The following ARB2A variants were observed in gnomAD, a reference collection of about 807,000 sequenced individuals.
ARB2A encodes the protein cotranscriptional regulator ARB2A.
At chr5:94,099,539 G>A in the ARB2A span, among the ~76,000 whole-genome samples, 2 of 143,634 alleles carry the variant, frequency 1.4e-5, no homozygotes, top group Non-Finnish European at 3.0e-5. Flanking sequence ...CAGGAGAATC[G>A]CATGAACCCG....
At chr5:93,894,415 A>C in the ARB2A span, among the ~76,000 whole-genome samples, 8 of 152,070 alleles carry the variant, frequency 5.3e-5, no homozygotes, top group Non-Finnish European at 1.0e-4. Context: ...ATATTAAAAA[A>C]AAAAGAGAGA....
At chr5:93,785,070 C>A in the ARB2A span, among the ~76,000 whole-genome samples, 1 of 152,100 alleles carries the variant, frequency 6.6e-6, no homozygotes, top group African/African-American at 2.4e-5. Flanking sequence ...TTTATGTTGG[C>A]AAACATTATA....
At chr5:93,728,938 G>T in the ARB2A span, among the ~76,000 whole-genome samples, 8 of 151,980 alleles carry the variant, frequency 5.3e-5, no homozygotes, top group Admixed American at 4.6e-4. Flanking sequence ...ATTTTGGAAG[G>T]CTCAAGTAAT....
the ARB2A span, among the ~76,000 whole-genome samples, chr5:93,821,909 CA>C: frequency 3.8e-4 from 49 of 127,842 alleles, no homozygotes; most frequent in South Asian, 5.5e-4. Flanking sequence ...CAAAAAGTAG[CA>C]AAAAAAAAAA....
chr5:94,073,885 C>T, the ARB2A span, among the ~76,000 whole-genome samples: 486 of 152,208 alleles, frequency 3.2e-3, 6 homozygotes, highest in African/African-American at 0.011. Context: ...CAAATGACCT[C>T]CACATGGTCA....
At chr5:94,021,166 A>G in the ARB2A span, among the ~76,000 whole-genome samples, 1 of 152,254 alleles carries the variant, frequency 6.6e-6, no homozygotes, top group African/African-American at 2.4e-5. Flanking sequence ...TCAGAGAAAC[A>G]TTCATTCTAA....
At chr5:93,957,392 G>A in the ARB2A span, among the ~76,000 whole-genome samples, 2 of 152,116 alleles carry the variant, frequency 1.3e-5, no homozygotes, top group Middle Eastern at 3.4e-3. Flanking sequence ...TACATATAAT[G>A]TTCTTCCGAA....
At chr5:93,951,731 T>C in the ARB2A span, among the ~76,000 whole-genome samples, 2 of 152,212 alleles carry the variant, frequency 1.3e-5, no homozygotes, top group African/African-American at 4.8e-5. Flanking sequence ...TATAGCTCTA[T>C]GATATAATGT....
the ARB2A span, among the ~76,000 whole-genome samples, chr5:93,643,910 T>C: frequency 1.1e-4 from 17 of 152,366 alleles, no homozygotes; most frequent in South Asian, 3.3e-3. Flanking sequence ...GTATTTACTA[T>C]ATTCCTGGTA....
At chr5:93,864,270 G>A in the ARB2A span, among the ~76,000 whole-genome samples, 2 of 152,110 alleles carry the variant, frequency 1.3e-5, no homozygotes, top group Admixed American at 1.3e-4. Context: ...AATGAGTGTT[G>A]TAAAATGAAT....
At chr5:93,754,152 G>A in the ARB2A span, among the ~76,000 whole-genome samples, 9 of 152,136 alleles carry the variant, frequency 5.9e-5, no homozygotes, top group East Asian at 1.5e-3. Flanking sequence ...AAATCTTAAA[G>A]GACTGGTAAA....
At chr5:93,950,958 A>T in the ARB2A span, among the ~76,000 whole-genome samples, 2 of 146,158 alleles carry the variant, frequency 1.4e-5, no homozygotes, top group Non-Finnish European at 3.0e-5. Context: ...AAAAAAAAAA[A>T]TAAAATAAAA....
the ARB2A span, among the ~76,000 whole-genome samples, chr5:93,811,145 A>C: frequency 1.3e-5 from 2 of 152,082 alleles, no homozygotes; most frequent in African/African-American, 2.4e-5. Context: ...GGTCAATTCG[A>C]TTTAGTTGGT....
the ARB2A span, chr5:93,737,350 A>G: frequency 2.6e-5 from 4 of 152,160 alleles, no homozygotes; most frequent in Non-Finnish European, 5.9e-5. Context: ...CTAAGATGAC[A>G]ACACTCCCTA....
chr5:93,921,143 T>C, the ARB2A span, among the ~76,000 whole-genome samples: 95 of 139,676 alleles, frequency 6.8e-4, no homozygotes, highest in African/African-American at 2.2e-3. Context: ...ATGAGTTCAG[T>C]GTAAAGACCA....
At chr5:93,841,516 G>A in the ARB2A span, among the ~76,000 whole-genome samples, 1 of 152,068 alleles carries the variant, frequency 6.6e-6, no homozygotes, top group Non-Finnish European at 1.5e-5. Flanking sequence ...GTGAAGGAGG[G>A]GCTGTCCTGA....
the ARB2A span, among the ~76,000 whole-genome samples, chr5:93,682,635 C>A: frequency 6.6e-6 from 1 of 151,828 alleles, no homozygotes; most frequent in Non-Finnish European, 1.5e-5. Context: ...ATACTTAAAA[C>A]CAAGCAAAGG....
the ARB2A span, among the ~76,000 whole-genome samples, chr5:94,009,770 G>A: frequency 6.6e-6 from 1 of 151,868 alleles, no homozygotes; most frequent in Non-Finnish European, 1.5e-5. Flanking sequence ...TGTTGTGTGT[G>A]TTTTTCAAGT....
chr5:93,733,542 A>G, the ARB2A span: 2 of 152,158 alleles, frequency 1.3e-5, no homozygotes, highest in Non-Finnish European at 2.9e-5. Context: ...AGTTGAAATG[A>G]TGGGCCAATG....
Sources: gnomAD v4.1 joint callset for allele counts (sites outside exome capture counted in the v4.1 genomes callset) on GRCh38, gnomAD v4.1.1 for gene constraint, MANE v1.5 for transcripts, NCBI Gene and HGNC (gene_info 2026-07-23, HGNC 2026-07-21) for gene names.